The following TTK variants were observed in gnomAD, a reference collection of about 807,000 sequenced individuals.
TTK encodes the protein dual specificity protein kinase TTK.
A neutral mutation model predicts 117.3 loss-of-function variants in TTK; 59 were observed. That is an observed-to-expected ratio of 0.50 (90% CI 0.41 to 0.62). The LOEUF is 0.62. TTK is among the 20% of genes least tolerant of loss of function. The pLI is 0.00. For synonymous variants in TTK, 302 were observed against 325.0 expected, an observed-to-expected ratio of 0.93 and a Z score of 0.76; for missense variants, 921 against 989.4, an observed-to-expected ratio of 0.93 and a Z score of 0.93.
Position 80,006,092 on chromosome 6 carries a change from TCTC to T in TTK, c.139+115_139+117del, listed in dbSNP as rs775326481. The T allele has an allele frequency of 8.7e-5, 123 of 1,411,326 alleles. No individual in the cohort carries two copies. The African/African-American group carries it at 1.7e-3, about 19-fold the overall frequency. The allele number at this position is 1,411,326 out of a possible 1,614,324, so 87.4% of individuals were successfully genotyped here. A position where few individuals can be genotyped will look rare whatever the true frequency, so the allele number is the denominator to read the frequency against. Reference sequence around the variant, plus strand: ...AATTTACTCATGTGTTTATTGTCTTTCTCCTCCATTAGAATGCAGGCTACATGA... The same window carrying T: ...AATTTACTCATGTGTTTATTGTCTTTCTCCATTAGAATGCAGGCTACATGA... On this transcript the variant is annotated intron_variant, in intron 2 of 21. Coordinates refer to ENST00000369798, the MANE Select transcript of TTK (RefSeq NM_003318.5).
intron 11 of TTK, among the ~76,000 whole-genome samples, chr6:80,024,537 G>T (rs557464584): frequency 3.0e-4 from 45 of 152,276 alleles, no homozygotes; most frequent in Non-Finnish European, 1.0e-4. Context: ...TAGATAAAAT[G>T]GTCAGAATAG....
Position 80,035,267 on chromosome 6 carries a change from G to A in TTK, c.1774G>A (p.Glu592Lys). The A allele has an allele frequency of 6.3e-7, 1 of 1,582,740 alleles. No homozygotes were observed. Among genetic ancestry groups the A allele is most frequent in the East Asian group, 2.3e-5 (1 of 44,292 alleles). The change falls in exon 16 of 22, where the codon GAA (glutamate) becomes AAA (lysine). Residue 592 changes from glutamate to lysine, a missense_variant and splice_region_variant. Glu to Lys is a moderately conservative substitution (Grantham distance 56). Coordinates refer to ENST00000369798, the MANE Select transcript of TTK (RefSeq NM_003318.5). ...TTGCTTTTATTTGTTTAATTGCAGT[G>A]AAATCACGGACCAGTACATCTACAT... The part of the protein sequence containing the change: ...SDKIIRLYDY[E>K]ITDQYIYMVM...
intron 13 of TTK, among the ~76,000 whole-genome samples, chr6:80,029,794 G>T (rs1345273966): frequency 3.3e-5 from 5 of 152,218 alleles, no homozygotes; most frequent in Non-Finnish European, 5.9e-5. Flanking sequence ...TACTAAGGGG[G>T]ATGCGGGAAG....
chr6:80,008,398 A>G lies in TTK; in HGVS notation c.375A>G (p.Pro125=), dbSNP rs1242303450. Residue 125 remains proline (P), a synonymous_variant, in exon 4 of 22, where the codon CCA becomes CCG. Coordinates refer to ENST00000369798, the MANE Select transcript of TTK (RefSeq NM_003318.5). ...RFAELKAIQE[P]DDARDYFQMA... ...TCTTTTATTACAGTATTCAAGAGCC[A>G]GATGATGCACGTGACTACTTTCAAA... is the stretch of plus-strand genomic sequence containing the variant. The G allele has an allele frequency of 1.9e-6, 3 of 1,610,834 alleles. No individual in the cohort carries two copies. Among genetic ancestry groups the G allele is most frequent in the Non-Finnish European group, 2.5e-6 (3 of 1,178,828 alleles).
chr6:80,031,736 T>C (rs1582109312), intron 14 of TTK, among the ~76,000 whole-genome samples, 177 bp downstream of exon 14: 1 of 152,258 alleles, frequency 6.6e-6, no homozygotes, highest in East Asian at 1.9e-4. Flanking sequence ...ATGTGACATA[T>C]CCTCTTTAGA....
chr6:80,009,367 G>T (rs1232537546), intron 4 of TTK, among the ~76,000 whole-genome samples: 3 of 152,012 alleles, frequency 2.0e-5, no homozygotes, highest in Admixed American at 2.0e-4. Flanking sequence ...ACCCTGAATT[G>T]TTACCCATTC....
At chr6:80,014,664 C>T in intron 10 of TTK, 78 bp downstream of exon 10, 1 of 1,379,808 alleles carries the variant, frequency 7.2e-7, no homozygotes, top group Non-Finnish European at 9.7e-7. Flanking sequence ...AGACTAGCCA[C>T]CTAAGAATTA....
intron 10 of TTK, 100 bp from the exon 11 acceptor site, chr6:80,022,224 A>G: frequency 8.0e-7 from 1 of 1,244,876 alleles, no homozygotes; most frequent in Non-Finnish European, 1.1e-6. Context: ...TGTTTTTAAG[A>G]ACTAAATACT....
Position 80,008,418 on chromosome 6 carries a change from T to G in TTK, c.395T>G (p.Phe132Cys). 8 of 1,612,504 alleles carry G rather than the reference T, an allele frequency of 5.0e-6. No homozygotes were observed. The highest frequency in any genetic ancestry group is 6.8e-6 in the Non-Finnish European group (8 of 1,179,176). ...IQEPDDARDY[F>C]QMARANCKKF... Reference sequence around the variant, plus strand: ...GAGCCAGATGATGCACGTGACTACTTTCAAATGGCCAGAGCAAACTGCAAG... The same window carrying G: ...GAGCCAGATGATGCACGTGACTACTGTCAAATGGCCAGAGCAAACTGCAAG... The change falls in exon 4 of 22, where the codon TTT becomes TGT. Residue 132 changes from phenylalanine (F) to cysteine (C), a missense_variant. By Grantham distance (205) the Phe-to-Cys change is radical. Transcript: ENST00000369798.
At chr6:80,015,049 A>G (rs1401045293) in intron 10 of TTK, among the ~76,000 whole-genome samples, 2 of 152,180 alleles carry the variant, frequency 1.3e-5, no homozygotes, top group African/African-American at 2.4e-5. Flanking sequence ...TAGAATGTGG[A>G]GATTGTCATG....
rs1208242863 is a variant in TTK at position 80,027,952 on chromosome 6, C to A, written c.1462C>A (p.Pro488Thr). The A allele has an allele frequency of 6.2e-7, 1 of 1,608,198 alleles. No homozygotes were observed. The highest frequency in any genetic ancestry group is 2.3e-5 in the East Asian group (1 of 44,414). The change falls in exon 13 of 22, where the codon CCT becomes ACT. Residue 488 changes from proline (P) to threonine (T), a missense_variant. Coordinates refer to ENST00000369798, the MANE Select transcript of TTK (RefSeq NM_003318.5). ...TCAGTTGTCAACACCTTATGGCCAA[C>A]CTGCCTGTTTCCAGCAGCAACAGCA... ...ACQLSTPYGQ[P>T]ACFQQQQHQI...
intron 4 of TTK, among the ~76,000 whole-genome samples, chr6:80,008,760 G>A (rs1767063024): frequency 6.6e-6 from 1 of 152,010 alleles, no homozygotes; most frequent in South Asian, 2.1e-4. Context: ...ACATCTAAAG[G>A]AAAGTAGCTG....
intron 14 of TTK, among the ~76,000 whole-genome samples, chr6:80,034,299 A>T (rs1314923194): frequency 6.6e-6 from 1 of 152,118 alleles, no homozygotes; most frequent in African/African-American, 2.4e-5. Flanking sequence ...AAACTAACAA[A>T]TCACAACTCT....
chr6:80,022,185 A>G, intron 10 of TTK, 139 bp from the exon 11 acceptor site: 1 of 929,534 alleles, frequency 1.1e-6, no homozygotes. Context: ...CAGCTGGCTT[A>G]AAGCTTTTAG....
chr6:80,019,628 G>A (rs573736701), intron 10 of TTK, among the ~76,000 whole-genome samples: 8 of 152,240 alleles, frequency 5.3e-5, no homozygotes, highest in African/African-American at 1.9e-4. Context: ...TTTACAGTCT[G>A]AGTAACAGGT....
Position 80,011,779 on chromosome 6 carries a change from G to A in TTK, c.779G>A (p.Arg260Lys). 6.2e-7 allele frequency: 1 copy of A among 1,612,778 alleles called. No homozygotes were observed. The highest frequency in any genetic ancestry group is 8.5e-7 in the Non-Finnish European group (1 of 1,179,166). Residue 260 changes from arginine (R) to lysine (K), a missense_variant, in exon 7 of 22, where the codon AGA becomes AAA. By Grantham distance (26) the Arg-to-Lys change is conservative. Coordinates refer to ENST00000369798, the MANE Select transcript of TTK (RefSeq NM_003318.5). Reference protein sequence around the residue: ...DAEIGYRNSLRQTNKTKQSCP... With the variant: ...DAEIGYRNSLKQTNKTKQSCP... The stretch of plus-strand genomic sequence containing the variant: ...GAAATAGGTTACCGGAATTCATTGA[G>A]ACAAACTAACAAAACTAAACAGGTA...
chr6:80,018,414 G>A (rs1306802345), intron 10 of TTK, among the ~76,000 whole-genome samples: 2 of 151,088 alleles, frequency 1.3e-5, no homozygotes, highest in Non-Finnish European at 2.9e-5. Flanking sequence ...TCAGGAGTTC[G>A]AAACTAGCCT....
At chr6:80,032,719 A>G (rs1473559107) in intron 14 of TTK, among the ~76,000 whole-genome samples, 1 of 152,200 alleles carries the variant, frequency 6.6e-6, no homozygotes, top group Non-Finnish European at 1.5e-5. Context: ...AAGTATCTCT[A>G]GAATCTATTT....
intron 8 of TTK, among the ~76,000 whole-genome samples, chr6:80,013,022 A>G (rs1361976398): frequency 6.6e-6 from 1 of 152,078 alleles, no homozygotes; most frequent in Non-Finnish European, 1.5e-5. Flanking sequence ...GTCTAACCCT[A>G]ACTCCAATTG....
Sources: allele counts gnomAD v4.1 joint callset (sites outside exome capture counted in the v4.1 genomes callset), GRCh38; gene constraint gnomAD v4.1.1; transcripts MANE v1.5; gene names NCBI Gene and HGNC (gene_info 2026-07-23, HGNC 2026-07-21).